Variants in IREB2 observed in about 807,000 individuals in gnomAD.
IREB2 encodes iron-responsive element-binding protein 2.
A neutral mutation model predicts 118.8 loss-of-function variants in IREB2; 39 were observed. That is an observed-to-expected ratio of 0.33 (90% confidence interval 0.25 to 0.43). The LOEUF is 0.43. IREB2 is among the 20% of genes least tolerant of loss of function. The probability of loss-of-function intolerance (pLI) is 1.00; values close to 1 mark genes in which losing one functional copy is unlikely to be tolerated. For missense variants in IREB2, 900 were observed against 1,147.3 expected (o/e 0.78, Z 3.11); for synonymous variants, 372 against 392.2 (o/e 0.95, Z 0.61).
At chr15:78,444,524 A>T (rs1404601831) in intron 2 of IREB2, among the ~76,000 whole-genome samples, 1 of 151,952 alleles carries the variant, frequency 6.6e-6, no homozygotes, top group Non-Finnish European at 1.5e-5. Flanking sequence ...TTTTAACCAC[A>T]GTACTGCTTA....
intron 9 of IREB2, among the ~76,000 whole-genome samples, chr15:78,477,614 A>G (rs571892750): frequency 7.9e-5 from 12 of 152,292 alleles, no homozygotes; most frequent in African/African-American, 2.4e-4. Flanking sequence ...CCTTACCCCC[A>G]AAGATTTCAA....
intron 2 of IREB2, among the ~76,000 whole-genome samples, chr15:78,440,472 G>T (rs1342005432): frequency 2.0e-5 from 3 of 151,344 alleles, no homozygotes; most frequent in Non-Finnish European, 4.4e-5. Flanking sequence ...AAGCAGTCCT[G>T]CCTCTGCCTC....
intron 9 of IREB2, chr15:78,476,608 C>T: frequency 3.7e-6 from 1 of 268,714 alleles, no homozygotes; most frequent in Non-Finnish European, 7.1e-6. Flanking sequence ...GACTGTTTCC[C>T]CATAATGATG....
At chr15:78,471,488 T>C (rs2051376091) in intron 6 of IREB2, among the ~76,000 whole-genome samples, 1 of 152,232 alleles carries the variant, frequency 6.6e-6, no homozygotes. Flanking sequence ...CTGAGAATCT[T>C]TGGAACGCAG....
At chr15:78,497,440 C>T (rs1414346418) in intron 21 of IREB2, 129 bp downstream of exon 21, 8 of 690,102 alleles carry the variant, frequency 1.2e-5, no homozygotes, top group South Asian at 1.9e-5. Flanking sequence ...TAAGATGACT[C>T]TCTCTTCCAT....
At chr15:78,463,122 T>A in intron 3 of IREB2, 35 bp downstream of exon 3, 2 of 1,509,340 alleles carry the variant, frequency 1.3e-6, no homozygotes, top group Non-Finnish European at 1.8e-6. Flanking sequence ...GAATGAACTC[T>A]TAGAGTGTGT....
chr15:78,462,896 T>C (rs2051220138), intron 2 of IREB2, 26 bp from the exon 3 acceptor site: 3 of 1,542,180 alleles, frequency 1.9e-6, no homozygotes, highest in Non-Finnish European at 2.6e-6. Context: ...TGTTTGCTTA[T>C]TAATAGTAAT....
intron 2 of IREB2, among the ~76,000 whole-genome samples, chr15:78,461,005 A>G (rs990554752): frequency 6.6e-6 from 1 of 152,202 alleles, no homozygotes; most frequent in East Asian, 1.9e-4. Context: ...ATCATACAGT[A>G]TGTATCATGC....
At chr15:78,470,310 C>T (rs2051354187) in intron 5 of IREB2, among the ~76,000 whole-genome samples, 1 of 152,158 alleles carries the variant, frequency 6.6e-6, no homozygotes, top group Non-Finnish European at 1.5e-5. Context: ...CTTTCTTACA[C>T]TCAGTAAAAT....
chr15:78,469,421 TA>T (rs869144439), intron 5 of IREB2, among the ~76,000 whole-genome samples: 323 of 145,232 alleles, frequency 2.2e-3, no homozygotes, highest in East Asian at 6.3e-3. Flanking sequence ...AATCTTTGTT[TA>T]AAAAAAAAAA....
At chr15:78,464,220 G>A (rs116201254) in intron 3 of IREB2, among the ~76,000 whole-genome samples, 332 of 152,246 alleles carry the variant, frequency 2.2e-3, no homozygotes, top group African/African-American at 7.4e-3. Context: ...ATGTTAAGTC[G>A]TATTATCCCT....
intron 2 of IREB2, among the ~76,000 whole-genome samples, chr15:78,445,707 G>A (rs1870827251): frequency 6.6e-6 from 1 of 152,190 alleles, no homozygotes; most frequent in Admixed American, 6.5e-5. Flanking sequence ...GGCCACTGCT[G>A]ACCATTCTTG....
At chr15:78,443,803 C>T (rs998287010) in intron 2 of IREB2, among the ~76,000 whole-genome samples, 1 of 152,060 alleles carries the variant, frequency 6.6e-6, no homozygotes, top group African/African-American at 2.4e-5. Context: ...TGTGCCACCA[C>T]ATCCGGCTGA....
chr15:78,488,479 G>A (rs2051696358), intron 15 of IREB2, 143 bp downstream of exon 15: 6 of 981,596 alleles, frequency 6.1e-6, no homozygotes, highest in South Asian at 3.8e-5. Flanking sequence ...TAATTTCTGT[G>A]TTTATGTGAA....
chr15:78,465,311 T>A lies in IREB2; in HGVS notation c.333T>A (p.Gly111=). Residue 111 remains glycine (G), a synonymous_variant, in exon 4 of 22, where the codon GGT becomes GGA. Transcript: ENST00000258886. ...AMREAVKTLG[G]DPEKVHPACP... is the part of the protein sequence containing the mutation. ...GGGAGGCAGTGAAAACTCTTGGAGG[T>A]GATCCTGAGAAAGTCCATCCTGCTT... is the stretch of plus-strand genomic sequence containing the variant. The A allele has an allele frequency of 6.2e-7, 1 of 1,613,706 alleles. No individual in the cohort carries two copies. The highest frequency in any genetic ancestry group is 1.7e-5 in the Admixed American group (1 of 59,928).
intron 2 of IREB2, among the ~76,000 whole-genome samples, chr15:78,450,893 T>C (rs1721946059): frequency 6.7e-6 from 1 of 149,918 alleles, no homozygotes; most frequent in African/African-American, 2.5e-5. Flanking sequence ...TACAATGTAA[T>C]GGTGTCCACC....
chr15:78,466,873 T>C (rs2051291571), intron 5 of IREB2, among the ~76,000 whole-genome samples: 1 of 152,224 alleles, frequency 6.6e-6, no homozygotes. Flanking sequence ...TATATATTTT[T>C]AACATTTTTT....
At chr15:78,460,873 C>T (rs1347113712) in intron 2 of IREB2, among the ~76,000 whole-genome samples, 1 of 151,986 alleles carries the variant, frequency 6.6e-6, no homozygotes, top group Non-Finnish European at 1.5e-5. Context: ...TTAACGTGCG[C>T]TATTGGAAAC....
At chr15:78,488,131 C>G in intron 14 of IREB2, 49 bp from the exon 15 acceptor site, 1 of 1,532,296 alleles carries the variant, frequency 6.5e-7, no homozygotes, top group Non-Finnish European at 8.8e-7. Context: ...CAGATTTGTA[C>G]CATCTCTAGA....
Sources: allele counts gnomAD v4.1 joint callset (sites outside exome capture counted in the v4.1 genomes callset), GRCh38; gene constraint gnomAD v4.1.1; transcripts MANE v1.5; gene names NCBI Gene and HGNC (gene_info 2026-07-23, HGNC 2026-07-21).